Variants in GP6 observed in about 807,000 individuals in gnomAD.
GP6 encodes platelet glycoprotein VI.
GP6 carries 45 observed loss-of-function variants against 37.3 expected under a neutral mutation model. The ratio of observed to expected loss-of-function variants is 1.21; its 90% CI spans 0.95 to 1.55. The LOEUF is 1.55. Ranked by LOEUF, GP6 falls within the 40% of genes most tolerant of loss-of-function variation. The pLI is 0.00. For synonymous variants in GP6, 340 were observed against 316.4 expected (o/e 1.07, Z -0.79); for missense variants, 813 against 760.2 (o/e 1.07, Z -0.82).
At chr19:55,032,432 AGACCCCGCCTG>A (rs762938065) in intron 2 of GP6, 36 bp from the exon 3 acceptor site, 9 of 1,611,682 alleles carry the variant, frequency 5.6e-6, no homozygotes, top group Non-Finnish European at 7.6e-6. Flanking sequence ...GCCTCCCCGC[AGACCCCGCCTG>A]GACCCCGCTG....
intron 3 of GP6, among the ~76,000 whole-genome samples, chr19:55,028,865 C>T (rs758822693): frequency 6.6e-6 from 1 of 151,906 alleles, no homozygotes; most frequent in Admixed American, 6.6e-5. Flanking sequence ...CTGGGTGCGG[C>T]GGCTCACACC....
intron 1 of GP6, 37 bp from the exon 2 acceptor site, chr19:55,032,575 G>T (rs374086447): frequency 1.2e-6 from 2 of 1,610,694 alleles, no homozygotes; most frequent in South Asian, 2.2e-5. Context: ...GCCAGGACTC[G>T]CTTTTATGGA....
chr19:55,034,447 T>G (rs567829684), intron 1 of GP6, among the ~76,000 whole-genome samples: 1 of 151,692 alleles, frequency 6.6e-6, no homozygotes, highest in African/African-American at 2.4e-5. Flanking sequence ...TCCTAGCTAC[T>G]GGGGAGGCTG....
At chr19:55,030,644 A>G (rs1179444696) in intron 3 of GP6, among the ~76,000 whole-genome samples, 1 of 151,648 alleles carries the variant, frequency 6.6e-6, no homozygotes, top group Non-Finnish European at 1.5e-5. Context: ...CGCCCGGCCC[A>G]ACCTCTTCTC....
In GP6 at chr19:55,025,150, AGAG is replaced by A. The variant is rs2074253894; in HGVS notation, c.664+65_664+67del. 3.7e-6 allele frequency: 3 copies of A among 813,710 alleles called. No individual in the cohort carries two copies. In the African/African-American group the frequency reaches 5.1e-5, roughly 14 times the overall value. 50.4% of individuals were successfully genotyped at this position (813,710 alleles called of 1,614,324 possible). On this transcript the variant is annotated intron_variant, in intron 5 of 7. Transcript: ENST00000310373. Reference sequence around the variant, plus strand: ...GAATTAAATCGAGAAGTCTAGGCAGAGAGGAGAGAGAGAAGGGGTCCGTGTACC... The same window carrying A: ...GAATTAAATCGAGAAGTCTAGGCAGAGAGAGAGAGAAGGGGTCCGTGTACC...
chr19:55,030,002 TA>T (rs2074500946), intron 3 of GP6, among the ~76,000 whole-genome samples: 1 of 152,174 alleles, frequency 6.6e-6, no homozygotes, highest in African/African-American at 2.4e-5. Flanking sequence ...TCCTGGGATG[TA>T]AAATTTAATT....
chr19:55,018,713 T>C lies in GP6; in HGVS notation c.665-2A>G. 6.2e-7 allele frequency: 1 copy of C among 1,603,294 alleles called. No homozygotes were observed. Among genetic ancestry groups the C allele is most frequent in the Non-Finnish European group, 8.5e-7 (1 of 1,170,122 alleles). Reference sequence around the variant, plus strand: ...GTTCAGCGGTGGCTTCTGAGAATTCTAAGAAAGCAAAACAATGTTAGGTCT... The same window carrying C: ...GTTCAGCGGTGGCTTCTGAGAATTCCAAGAAAGCAAAACAATGTTAGGTCT... On this transcript the variant is annotated splice_acceptor_variant, in intron 5 of 7. Coordinates refer to ENST00000310373, the MANE Select transcript of GP6 (RefSeq NM_001083899.2). LOFTEE classifies it high-confidence loss of function.
chr19:55,015,060 C>T lies in GP6; in HGVS notation c.885G>A (p.Pro295=), dbSNP rs201997410. 447 of 1,606,416 alleles carry T rather than the reference C, an allele frequency of 2.8e-4. 2 individuals carry two copies. The African/African-American group carries it at 4.8e-3, about 17-fold the overall frequency. Reference sequence around the variant, plus strand: ...GCCCCTGTGCCGCAGGCGCTTCCTCCGGCTGTGCCAGTCCTCTGCCAGAAA... The same window carrying T: ...GCCCCTGTGCCGCAGGCGCTTCCTCTGGCTGTGCCAGTCCTCTGCCAGAAA... Residue 295 remains proline, a synonymous_variant, in exon 8 of 8, where the codon CCG becomes CCA. Coordinates refer to ENST00000310373, the MANE Select transcript of GP6 (RefSeq NM_001083899.2).
intron 5 of GP6, among the ~76,000 whole-genome samples, chr19:55,024,492 C>G (rs1364255787): frequency 6.6e-6 from 1 of 152,186 alleles, no homozygotes; most frequent in Non-Finnish European, 1.5e-5. Flanking sequence ...TTTCTCCTGC[C>G]TTGGTGCTTC....
intron 6 of GP6, among the ~76,000 whole-genome samples, chr19:55,018,215 G>A (rs1001122928): frequency 1.3e-5 from 2 of 152,258 alleles, no homozygotes; most frequent in Non-Finnish European, 2.9e-5. Context: ...GGACAGGCAA[G>A]GGGAAAGAGA....
Position 55,014,148 on chromosome 19 carries a change from A to C in GP6, c.1797T>G (p.Ala599=). 1 of 697,722 alleles carries C rather than the reference A, an allele frequency of 1.4e-6. No homozygotes were observed. The highest frequency in any genetic ancestry group is 2.6e-6 in the Non-Finnish European group (1 of 382,080). 43.2% of individuals were successfully genotyped at this position (697,722 alleles called of 1,614,324 possible). ...AGACAAAGTCAGGCTTCGTCACCCG[A>C]GCTAGAGTGCAGTGGTGTGATCTCA... Residue 599 remains alanine, a synonymous_variant, in exon 8 of 8, where the codon GCT becomes GCG. Transcript: ENST00000310373.
At chr19:55,035,698 CAG>C (rs1361954813) in intron 1 of GP6, among the ~76,000 whole-genome samples, 4 of 150,638 alleles carry the variant, frequency 2.7e-5, no homozygotes, top group Admixed American at 2.0e-4. Context: ...GTCTGGGCAA[CAG>C]AGTGAGACTC....
At position 55,027,834 on chromosome 19, in the gene GP6, G is replaced by T. The variant is rs1356631926; in HGVS notation, c.354C>A (p.Ala118=). Reference sequence around the variant, plus strand: ...CTGACGACACCGCCGGGCCGGGCTGGGCTGAGAGCGAGGGTTTGGCAAAAA... The same window carrying T: ...CTGACGACACCGCCGGGCCGGGCTGTGCTGAGAGCGAGGGTTTGGCAAAAA... The change falls in exon 4 of 8, where the codon GCC becomes GCA. Residue 118 remains alanine (A), a synonymous_variant. Transcript: ENST00000310373. 4 of 1,614,062 alleles carry T rather than the reference G, an allele frequency of 2.5e-6. No homozygotes were observed.
rs1555799006 is a variant in GP6, at chr19:55,024,360, A to ACG, written c.664+857_664+858insCG. Among the ~76,000 whole-genome samples the ACG allele has an allele frequency of 1.5e-3, 201 of 130,684 alleles. 3 individuals are homozygous for ACG. In the Middle Eastern group the frequency reaches 0.021, roughly 14 times the overall value. The allele number at this position is 130,684 out of a possible 152,430, so 85.7% of individuals were successfully genotyped here. ...CACACACGCACATGCACGCACACAC[A>ACG]CATATGCACGCACACAGTATGTGAC... On this transcript the variant is annotated intron_variant, in intron 5 of 7. Transcript: ENST00000310373.
chr19:55,029,123 G>GAAGA (rs1388719628), intron 3 of GP6, among the ~76,000 whole-genome samples: 1 of 150,102 alleles, frequency 6.7e-6, no homozygotes, highest in Non-Finnish European at 1.5e-5. Context: ...AGGGAGGGAG[G>GAAGA]AAGGAAGGAA....
chr19:55,030,669 T>A (rs12461365), intron 3 of GP6, among the ~76,000 whole-genome samples: 87,106 of 149,694 alleles, frequency 0.58, 25,864 homozygotes, highest in Middle Eastern at 0.76. Flanking sequence ...AAAAAATAAA[T>A]AAATAAGAAA....
intron 4 of GP6, among the ~76,000 whole-genome samples, chr19:55,026,510 CTTT>C (rs2074308264): frequency 6.6e-6 from 1 of 151,966 alleles, no homozygotes; most frequent in African/African-American, 2.4e-5. Context: ...GAATTTCCTT[CTTT>C]TTTAAGGCTG....
chr19:55,033,186 C>T lies in GP6; in HGVS notation c.35-648G>A, dbSNP rs1167466753. 1.5e-5 allele frequency among the ~76,000 whole-genome samples: 2 copies of T among 136,448 alleles called. 1 individual carries two copies. Among genetic ancestry groups the T allele is most frequent in the Non-Finnish European group, 3.1e-5 (2 of 63,580 alleles). The allele number at this position is 136,448 out of a possible 152,430, so 89.5% of individuals were successfully genotyped here. The stretch of plus-strand genomic sequence containing the variant: ...ACGCGGTGGGTTCGTTCGTGTTAGA[C>T]GCGGTGGACTCCTTCGTGTTGTGTT... On this transcript the variant is annotated intron_variant, in intron 1 of 7. Coordinates refer to ENST00000310373, the MANE Select transcript of GP6 (RefSeq NM_001083899.2).
At chr19:55,018,626 T>G (rs771607026) in intron 6 of GP6, 26 bp downstream of exon 6, 1 of 1,363,610 alleles carries the variant, frequency 7.3e-7, no homozygotes, top group African/African-American at 1.4e-5. Context: ...TCCTTTCTGC[T>G]GAGCATGAAA....
Sources: allele counts gnomAD v4.1 joint callset (sites outside exome capture counted in the v4.1 genomes callset), GRCh38; gene constraint gnomAD v4.1.1; transcripts MANE v1.5; gene names NCBI Gene and HGNC (gene_info 2026-07-23, HGNC 2026-07-21).